The following AUTS2 variants were observed in gnomAD, a reference collection of about 807,000 sequenced individuals.
AUTS2 encodes the protein autism susceptibility gene 2 protein.
A neutral mutation model predicts 112.4 loss-of-function variants in AUTS2; 17 were observed. The observed-to-expected ratio is 0.15, with a 90% CI of 0.10 to 0.23. The LOEUF is 0.23. Ranked by LOEUF, AUTS2 falls within the 10% of genes least tolerant of loss-of-function variation. AUTS2 has a pLI of 1.00. For missense variants in AUTS2, 1,510 were observed against 1,701.6 expected, an observed-to-expected ratio of 0.89 and a Z score of 1.98; for synonymous variants, 751 against 702.7, an observed-to-expected ratio of 1.07 and a Z score of -1.09.
At chr7:69,882,076 G>A (rs1401559021) in intron 1 of AUTS2, among the ~76,000 whole-genome samples, 1 of 148,798 alleles carries the variant, frequency 6.7e-6, no homozygotes, top group Non-Finnish European at 1.5e-5. Flanking sequence ...CTTGAAACTG[G>A]GAGACGGAAG....
intron 1 of AUTS2, among the ~76,000 whole-genome samples, chr7:69,874,090 C>T (rs1054625281): frequency 6.6e-6 from 1 of 152,112 alleles, no homozygotes; most frequent in Non-Finnish European, 1.5e-5. Context: ...GAGGAAGTTG[C>T]AGTTTTAAAG....
chr7:70,789,890 G>C lies in AUTS2; in HGVS notation c.2674G>C (p.Glu892Gln), dbSNP rs1232698720. 4 of 1,614,138 alleles carry C rather than the reference G, an allele frequency of 2.5e-6. No individual in the cohort carries two copies. Residue 892 changes from glutamate to glutamine, a missense_variant, in exon 19 of 19, where the codon GAG (glutamate) becomes CAG (glutamine). Around this residue, in one of 3 missense-constraint regions of AUTS2, gnomAD observed 788 missense variants for 797.6 expected, o/e 0.99. Coordinates refer to ENST00000342771, the MANE Select transcript of AUTS2 (RefSeq NM_015570.4). Reference protein sequence around the residue: ...TEAREKDKPKERERDHSESRK... With the variant: ...TEAREKDKPKQRERDHSESRK... ...GGCTCGGGAGAAGGACAAACCCAAA[G>C]AGAGGGAGAGAGACCACTCGGAATC...
chr7:70,333,389 G>A (rs1790845853), intron 4 of AUTS2, among the ~76,000 whole-genome samples: 1 of 152,198 alleles, frequency 6.6e-6, no homozygotes, highest in African/African-American at 2.4e-5. Flanking sequence ...CATTGTGGAA[G>A]ACAGTGTGGT....
At position 70,790,876 on chromosome 7, in the gene AUTS2, T is replaced by A. The variant is rs1181375037; in HGVS notation, c.3660T>A (p.Pro1220=). 6.2e-7 allele frequency: 1 copy of A among 1,601,686 alleles called. No individual in the cohort carries two copies. The highest frequency in any genetic ancestry group is 8.5e-7 in the Non-Finnish European group (1 of 1,173,910). ...CTCCGACAGCAGCGCTGAGCGCACCTCCCCCGCTCATCTCCACGCTGGGGG... is the reference window on the plus strand; with the variant it reads ...CTCCGACAGCAGCGCTGAGCGCACCACCCCCGCTCATCTCCACGCTGGGGG... ...KTPPTAALSA[P]PPLISTLGGR... The change falls in exon 19 of 19, where the codon CCT becomes CCA. Residue 1220 remains proline (P), a synonymous_variant. Transcript: ENST00000342771. This position sits in a 1 kb window ranked among gnomAD's most constrained non-coding sequence, Gnocchi z 7.6.
chr7:70,088,527 CTT>C lies in AUTS2; in HGVS notation c.523-29591_523-29590del, dbSNP rs34484649. Among the ~76,000 whole-genome samples, 704 of 139,398 alleles carry C rather than the reference CTT, an allele frequency of 5.1e-3. 8 individuals are homozygous for C. Among genetic ancestry groups the C allele is most frequent in the African/African-American group, 0.016 (588 of 37,920 alleles). The allele number at this position is 139,398 out of a possible 152,430, so 91.5% of individuals were successfully genotyped here. Reference sequence around the variant, plus strand: ...CCTGTATTCTACTTACTTTTGCTCTCTTTTTTTTTTTTTTTAGTTTCTTATGA... The same window carrying C: ...CCTGTATTCTACTTACTTTTGCTCTCTTTTTTTTTTTTTAGTTTCTTATGA... On this transcript the variant is annotated intron_variant, in intron 2 of 18. Coordinates refer to ENST00000342771, the MANE Select transcript of AUTS2 (RefSeq NM_015570.4).
At chr7:70,045,111 C>T (rs1801441668) in intron 2 of AUTS2, among the ~76,000 whole-genome samples, 1 of 152,100 alleles carries the variant, frequency 6.6e-6, no homozygotes, top group Non-Finnish European at 1.5e-5. Flanking sequence ...TTTATCATCA[C>T]TGCCATTAGA....
rs1791984261 is a variant in AUTS2 at position 70,791,829 on chromosome 7, G to A, written c.*833G>A. ...TGCCGCTTGTGGGCTCTGGGGGAAAGTGTAGCCCCGGAGAGGTAACTGAGG... is the reference window on the plus strand; with the variant it reads ...TGCCGCTTGTGGGCTCTGGGGGAAAATGTAGCCCCGGAGAGGTAACTGAGG... On this transcript the variant is annotated 3_prime_UTR_variant, in exon 19 of 19. Coordinates refer to ENST00000342771, the MANE Select transcript of AUTS2 (RefSeq NM_015570.4). The A allele has an allele frequency of 6.6e-6, 1 of 152,200 alleles. No individual in the cohort carries two copies. The highest frequency in any genetic ancestry group is 1.5e-5 in the Non-Finnish European group (1 of 68,036). The allele number at this position is 152,200 out of a possible 1,614,324, so 9.4% of individuals were successfully genotyped here.
intron 4 of AUTS2, among the ~76,000 whole-genome samples, chr7:70,238,554 A>G (rs1584917700): frequency 6.6e-6 from 1 of 152,226 alleles, no homozygotes; most frequent in East Asian, 1.9e-4. Context: ...TTTCCTGTCC[A>G]AGGAGTCAGA....
intron 4 of AUTS2, among the ~76,000 whole-genome samples, chr7:70,175,650 T>G (rs1417152958): frequency 6.6e-6 from 1 of 152,146 alleles, no homozygotes; most frequent in Non-Finnish European, 1.5e-5. Context: ...TCAACATGTA[T>G]GCAAGACCCT....
At chr7:70,381,482 G>C (rs1476332285) in intron 4 of AUTS2, among the ~76,000 whole-genome samples, 2 of 152,070 alleles carry the variant, frequency 1.3e-5, no homozygotes, top group Non-Finnish European at 2.9e-5. Context: ...GCAAGCCTTG[G>C]GAGAAAAATT....
At chr7:69,846,861 C>T (rs913951851) in intron 1 of AUTS2, among the ~76,000 whole-genome samples, 1 of 152,224 alleles carries the variant, frequency 6.6e-6, no homozygotes, top group African/African-American at 2.4e-5. Flanking sequence ...GCATGAGCCA[C>T]CACACCCGGC....
chr7:70,627,904 G>A (rs923704270), intron 5 of AUTS2, among the ~76,000 whole-genome samples: 1 of 152,192 alleles, frequency 6.6e-6, no homozygotes, highest in African/African-American at 2.4e-5. Context: ...ACAGGCCCCT[G>A]TGTAGAGTCA....
intron 5 of AUTS2, among the ~76,000 whole-genome samples, chr7:70,580,696 A>AT (rs1196547187): frequency 2.0e-5 from 3 of 152,050 alleles, no homozygotes; most frequent in Middle Eastern, 3.2e-3. Flanking sequence ...TGAAAAAGAC[A>AT]TTTTTTCTTG....
intron 1 of AUTS2, among the ~76,000 whole-genome samples, chr7:69,678,750 G>A (rs549790995): frequency 3.9e-5 from 6 of 152,162 alleles, no homozygotes; most frequent in African/African-American, 1.4e-4. Flanking sequence ...AGAAAGACAC[G>A]GCGTGAGCCA....
At chr7:69,821,460 A>T (rs1005033979) in intron 1 of AUTS2, among the ~76,000 whole-genome samples, 2 of 152,130 alleles carry the variant, frequency 1.3e-5, no homozygotes, top group Admixed American at 1.3e-4. Context: ...GTGGGCAGGG[A>T]CAAATAAGGG....
At chr7:69,685,585 A>G (rs1797027086) in intron 1 of AUTS2, among the ~76,000 whole-genome samples, 1 of 152,222 alleles carries the variant, frequency 6.6e-6, no homozygotes, top group Admixed American at 6.5e-5. Context: ...AACAGGCCTC[A>G]AGGATAGTGC....
At chr7:70,638,242 A>G (rs932473671) in intron 5 of AUTS2, among the ~76,000 whole-genome samples, 71 of 151,836 alleles carry the variant, frequency 4.7e-4, no homozygotes, top group African/African-American at 1.7e-3. Flanking sequence ...TGTCCAAACC[A>G]CAGAACCCTG....
rs1271265923 is a variant in AUTS2, at chr7:70,060,134, TA to T, written c.523-57997del. On this transcript the variant is annotated intron_variant, in intron 2 of 18. Coordinates refer to ENST00000342771, the MANE Select transcript of AUTS2 (RefSeq NM_015570.4). Reference sequence around the variant, plus strand: ...GCATAAAACCATCCTTTTTGACATTTAGGGACCATAGGTTTTAATAACATTG... The same window carrying T: ...GCATAAAACCATCCTTTTTGACATTTGGGACCATAGGTTTTAATAACATTG... Among the ~76,000 whole-genome samples, 32 of 152,352 alleles carry T rather than the reference TA, an allele frequency of 2.1e-4. 1 individual carries two copies. Among genetic ancestry groups the T allele is most frequent in the Admixed American group, 6.5e-5 (1 of 15,298 alleles).
intron 2 of AUTS2, among the ~76,000 whole-genome samples, chr7:69,991,876 AT>A (rs1184447001): frequency 6.6e-6 from 1 of 151,896 alleles, no homozygotes; most frequent in African/African-American, 2.4e-5. Flanking sequence ...ATTCTAAGAC[AT>A]TTTTTTTGTC....
Sources: gnomAD v4.1 joint callset for allele counts (sites outside exome capture counted in the v4.1 genomes callset) on GRCh38, gnomAD v4.1.1 for gene constraint, gnomAD v4.1.1 regional missense constraint, Gnocchi (gnomAD v3.1) non-coding constraint, MANE v1.5 for transcripts, NCBI Gene and HGNC (gene_info 2026-07-23, HGNC 2026-07-21) for gene names.